ZNF627: variants seen among roughly 807,000 people sequenced by gnomAD.
ZNF627 encodes zinc finger protein 627.
In ZNF627, 12 loss-of-function variants were observed where a neutral mutation model predicts 10.6. The observed-to-expected ratio is 1.13, with a 90% confidence interval of 0.73 to 1.84. The LOEUF (loss-of-function observed/expected upper bound fraction) is 1.84, where lower values mean the gene tolerates loss of function less well. ZNF627 is among the 40% of genes most tolerant of loss of function. The pLI is 0.00. For missense variants in ZNF627, 504 were observed against 568.4 expected (o/e 0.89, Z 1.15); for synonymous variants, 176 against 187.1 (o/e 0.94, Z 0.48).
chr19:11,603,931 C>A (rs1402535014), intron 1 of ZNF627, among the ~76,000 whole-genome samples: 2 of 151,764 alleles, frequency 1.3e-5, no homozygotes, highest in Non-Finnish European at 2.9e-5. Context: ...CCTCAGCCTC[C>A]CAAGTAGCTG....
chr19:11,616,615 G>A, intron 3 of ZNF627, 80 bp from the exon 4 acceptor site: 1 of 971,852 alleles, frequency 1.0e-6, no homozygotes, highest in South Asian at 2.0e-5. Context: ...ACAAGTATAT[G>A]TAAGTCTAAT....
intron 1 of ZNF627, among the ~76,000 whole-genome samples, chr19:11,600,802 A>G (rs1023752984): frequency 4.6e-5 from 7 of 152,222 alleles, no homozygotes; most frequent in African/African-American, 1.7e-4. Context: ...AACTCCTAGA[A>G]GTGTTCCAAT....
chr19:11,616,136 C>G (rs1173972214), intron 3 of ZNF627, among the ~76,000 whole-genome samples: 1 of 151,296 alleles, frequency 6.6e-6, no homozygotes, highest in Non-Finnish European at 1.5e-5. Flanking sequence ...CTCCTGGGTT[C>G]AAGCAATTCT....
intron 1 of ZNF627, among the ~76,000 whole-genome samples, chr19:11,603,284 C>CTTTTTT (rs34132887): frequency 5.0e-5 from 6 of 119,960 alleles, no homozygotes; most frequent in Non-Finnish European, 6.7e-5. Flanking sequence ...TATTCTTAGC[C>CTTTTTT]TTTTTTTTTT....
At position 11,617,047 on chromosome 19, in the gene ZNF627, A is replaced by G. The variant is rs370157785; in HGVS notation, c.544A>G (p.Ile182Val). The G allele has an allele frequency of 1.1e-5, 18 of 1,613,994 alleles. No homozygotes were observed. Among genetic ancestry groups the G allele is most frequent in the East Asian group, 4.5e-5 (2 of 44,904 alleles). ...AGAAACCTTTATTTCTCTTGTAAGC[A>G]TTCGAAGACACATGTTAACGCATAG... The part of the protein sequence containing the change: ...CGETFISLVS[I>V]RRHMLTHRGG... Residue 182 changes from isoleucine (I) to valine (V), a missense_variant, in exon 4 of 4, where the codon ATT becomes GTT. Transcript: ENST00000361113.
chr19:11,617,942 G>A lies in ZNF627; in HGVS notation c.*53G>A, dbSNP rs989129091. The A allele has an allele frequency of 7.0e-7, 1 of 1,428,976 alleles. No individual in the cohort carries two copies. Among genetic ancestry groups the A allele is most frequent in the Non-Finnish European group, 9.3e-7 (1 of 1,073,426 alleles). The allele number at this position is 1,428,976 out of a possible 1,614,324, so 88.5% of individuals were successfully genotyped here. A position where few individuals can be genotyped will look rare whatever the true frequency, so the allele number is the denominator to read the frequency against. On this transcript the variant is annotated 3_prime_UTR_variant, in exon 4 of 4. Transcript: ENST00000361113. The stretch of plus-strand genomic sequence containing the variant: ...CCATGAAAGTAAGAAATTTGGGAAA[G>A]CCTTCAGTCCTTTCTGTTTCTTTCA...
In ZNF627 at chr19:11,619,082, C is replaced by T. The variant is rs1230092966; in HGVS notation, c.*1193C>T. On this transcript the variant is annotated 3_prime_UTR_variant, in exon 4 of 4. Coordinates refer to ENST00000361113, the MANE Select transcript of ZNF627 (RefSeq NM_145295.4). ...CTTGCTAAAGACCGCAGAGACCATA[C>T]CTGTTGTCAAAGAGGGTGTAATAAA... 2 of 152,066 alleles carry T rather than the reference C, an allele frequency of 1.3e-5. No homozygotes were observed. Among genetic ancestry groups the T allele is most frequent in the South Asian group, 2.1e-4 (1 of 4,832 alleles). 9.4% of individuals were successfully genotyped at this position (152,066 alleles called of 1,614,324 possible). A position where few individuals can be genotyped will look rare whatever the true frequency, so the allele number is the denominator to read the frequency against.
Position 11,597,742 on chromosome 19 carries a change from A to G in ZNF627, c.3+112A>G, listed in dbSNP as rs977872819. 4 of 1,176,626 alleles carry G rather than the reference A, an allele frequency of 3.4e-6. No individual in the cohort carries two copies. In the East Asian group the frequency reaches 1.2e-4, roughly 35 times the overall value. 72.9% of individuals were successfully genotyped at this position (1,176,626 alleles called of 1,614,324 possible). A position where few individuals can be genotyped will look rare whatever the true frequency, so the allele number is the denominator to read the frequency against. On this transcript the variant is annotated intron_variant, in intron 1 of 3. Transcript: ENST00000361113. ...CCCTGCGGCGACTCCGGGGTCTGGG[A>G]CCCGAGTTCCCTCGGCCGCAAGGTG...
rs1018504922 is a variant in ZNF627 at position 11,616,854 on chromosome 19, T to C, written c.351T>C (p.Asn117=). The C allele has an allele frequency of 2.5e-6, 4 of 1,613,890 alleles. No individual in the cohort carries two copies. Among genetic ancestry groups the C allele is most frequent in the African/African-American group, 1.3e-5 (1 of 74,890 alleles). ...TTGGCATGGGTCCTTCATCACTTAATAGGCACATCAGAGATCACACTGGAC... is the reference window on the plus strand; with the variant it reads ...TTGGCATGGGTCCTTCATCACTTAACAGGCACATCAGAGATCACACTGGAC... The part of the protein sequence containing the change: ...GEVGMGPSSL[N]RHIRDHTGRE... Residue 117 remains asparagine, a synonymous_variant, in exon 4 of 4, where the codon AAT becomes AAC. Transcript: ENST00000361113.
chr19:11,600,594 T>A (rs1051840822), intron 1 of ZNF627, among the ~76,000 whole-genome samples: 1 of 152,096 alleles, frequency 6.6e-6, no homozygotes, highest in African/African-American at 2.4e-5. Context: ...GAGAAAACTC[T>A]CTTCTATCAT....
intron 1 of ZNF627, among the ~76,000 whole-genome samples, chr19:11,598,336 T>C (rs9807866): frequency 0.6 from 91,946 of 152,024 alleles, 27,890 homozygotes; most frequent in Admixed American, 0.62. Flanking sequence ...GAGTTGAAGA[T>C]CAGCCTCGCA....
chr19:11,606,347 A>G (rs1244200207), intron 1 of ZNF627, among the ~76,000 whole-genome samples: 1 of 151,902 alleles, frequency 6.6e-6, no homozygotes, highest in Non-Finnish European at 1.5e-5. Flanking sequence ...AAAAAAAAAA[A>G]AGAAAGAAAA....
At chr19:11,607,804 C>T (rs780208596) in intron 1 of ZNF627, among the ~76,000 whole-genome samples, 1 of 152,138 alleles carries the variant, frequency 6.6e-6, no homozygotes, top group Non-Finnish European at 1.5e-5. Context: ...GTCTCTAGGA[C>T]GTTCCAAACT....
chr19:11,609,489 A>G (rs1186364750), intron 1 of ZNF627, among the ~76,000 whole-genome samples: 2 of 19,732 alleles, frequency 1.0e-4, no homozygotes, highest in East Asian at 1.1e-3. Flanking sequence ...ATATATATAT[A>G]TATATATATA....
intron 1 of ZNF627, among the ~76,000 whole-genome samples, chr19:11,602,448 G>A (rs1036719074): frequency 6.6e-6 from 1 of 152,132 alleles, no homozygotes. Flanking sequence ...TACAAAAGAC[G>A]GGGGAGTTTC....
rs746736878 is a variant in ZNF627 at position 11,614,596 on chromosome 19, C to G, written c.73C>G (p.Gln25Glu). ...GGAGTGGGCTTTGCTGGATCCTTCC[C>G]AGAAGAATCTCTACAGGGATGTGAT... ...LEEWALLDPSQKNLYRDVMRE... is the reference protein window; with the variant it reads ...LEEWALLDPSEKNLYRDVMRE... Residue 25 changes from glutamine to glutamate, a missense_variant, in exon 2 of 4, where the codon CAG becomes GAG. Coordinates refer to ENST00000361113, the MANE Select transcript of ZNF627 (RefSeq NM_145295.4). The G allele has an allele frequency of 1.2e-6, 2 of 1,613,820 alleles. No individual in the cohort carries two copies. Among genetic ancestry groups the G allele is most frequent in the East Asian group, 4.5e-5 (2 of 44,882 alleles).
At chr19:11,608,810 C>T (rs1192281669) in intron 1 of ZNF627, among the ~76,000 whole-genome samples, 1 of 152,052 alleles carries the variant, frequency 6.6e-6, no homozygotes, top group African/African-American at 2.4e-5. Context: ...TTCCAGCATG[C>T]CCAGCCAATT....
In ZNF627 at chr19:11,597,631, G is replaced by A; in HGVS notation, c.3+1G>A. 1.5e-6 allele frequency: 2 copies of A among 1,335,898 alleles called. No individual in the cohort carries two copies. The highest frequency in any genetic ancestry group is 1.9e-6 in the Non-Finnish European group (2 of 1,036,544). The allele number at this position is 1,335,898 out of a possible 1,614,324, so 82.8% of individuals were successfully genotyped here. ...CGGGACACCTGGAAGCCGAGAAATG[G>A]TGCGTGTGAGGGGTCAGGCGTCCCC... On this transcript the variant is annotated splice_donor_variant, in intron 1 of 3. Coordinates refer to ENST00000361113, the MANE Select transcript of ZNF627 (RefSeq NM_145295.4). LOFTEE classifies it high-confidence loss of function.
chr19:11,613,371 C>G (rs988519728), intron 1 of ZNF627, among the ~76,000 whole-genome samples: 3 of 149,646 alleles, frequency 2.0e-5, no homozygotes, highest in Non-Finnish European at 3.0e-5. Flanking sequence ...TACTCTTACC[C>G]TCTTCCTGCC....
Sources: allele counts gnomAD v4.1 joint callset (sites outside exome capture counted in the v4.1 genomes callset), GRCh38; gene constraint gnomAD v4.1.1; transcripts MANE v1.5; gene names NCBI Gene and HGNC (gene_info 2026-07-23, HGNC 2026-07-21).